Variants in MPZL1 observed in about 807,000 individuals in gnomAD.
MPZL1 encodes myelin protein zero like 1, also known as myelin protein zero-like protein 1.
MPZL1 carries 16 observed loss-of-function variants against 29.3 expected under a neutral mutation model. The observed-to-expected ratio is 0.55, with a 90% CI of 0.37 to 0.83. The LOEUF is 0.83. MPZL1 is among the 40% of genes least tolerant of loss of function. MPZL1 has a pLI of 0.00. For synonymous variants in MPZL1, 143 were observed against 132.0 expected (o/e 1.08, Z -0.57); for missense variants, 279 against 332.9 (o/e 0.84, Z 1.26).
At chr1:167,767,417 G>T (rs1318266277) in intron 2 of MPZL1, among the ~76,000 whole-genome samples, 1 of 152,184 alleles carries the variant, frequency 6.6e-6, no homozygotes, top group Non-Finnish European at 1.5e-5. Context: ...TTAAAGAGCG[G>T]TTCCATTTAT....
At chr1:167,767,910 C>T (rs185861818) in intron 2 of MPZL1, among the ~76,000 whole-genome samples, 2 of 149,314 alleles carry the variant, frequency 1.3e-5, no homozygotes, top group Non-Finnish European at 3.0e-5. Context: ...TCTGTCCTTT[C>T]CTTCCCTGTC....
chr1:167,764,684 G>T (rs1271189382), intron 1 of MPZL1, among the ~76,000 whole-genome samples: 1 of 152,090 alleles, frequency 6.6e-6, no homozygotes, highest in Non-Finnish European at 1.5e-5. Flanking sequence ...ACTACTTAAA[G>T]AAATAAAAAT....
Position 167,756,116 on chromosome 1 carries a change from C to T in MPZL1, c.92-9467C>T, listed in dbSNP as rs991890090. On this transcript the variant is annotated intron_variant, in intron 1 of 5. Transcript: ENST00000359523. Reference sequence around the variant, plus strand: ...GATCATGAGCGGAAGGAATTGACTCCGAGAGGGATTTGGTAATCTTGTGTG... The same window carrying T: ...GATCATGAGCGGAAGGAATTGACTCTGAGAGGGATTTGGTAATCTTGTGTG... 7.2e-5 allele frequency among the ~76,000 whole-genome samples: 11 copies of T among 151,792 alleles called. 1 individual carries two copies. Among genetic ancestry groups the T allele is most frequent in the East Asian group, 1.9e-4 (1 of 5,198 alleles).
At chr1:167,779,959 G>C (rs1412036956) in intron 5 of MPZL1, among the ~76,000 whole-genome samples, 1 of 150,534 alleles carries the variant, frequency 6.6e-6, no homozygotes, top group Non-Finnish European at 1.5e-5. Flanking sequence ...TAGAACCAGA[G>C]ATAGAGGGAC....
In MPZL1 at chr1:167,787,948, A is replaced by G; in HGVS notation, c.*27A>G. On this transcript the variant is annotated 3_prime_UTR_variant, in exon 6 of 6. Transcript: ENST00000359523. ...AGAATACCTAGAACATATCCTCAGC[A>G]AGAAACAAAACCAAACTGGACTCTC... 1 of 1,578,556 alleles carries G rather than the reference A, an allele frequency of 6.3e-7. No individual in the cohort carries two copies. The highest frequency in any genetic ancestry group is 8.7e-7 in the Non-Finnish European group (1 of 1,147,844).
intron 2 of MPZL1, among the ~76,000 whole-genome samples, chr1:167,769,441 T>C (rs1002199641): frequency 8.5e-5 from 13 of 152,208 alleles, no homozygotes; most frequent in Non-Finnish European, 8.8e-5. Context: ...TCCTCGGCTG[T>C]GATGCAACGC....
intron 1 of MPZL1, among the ~76,000 whole-genome samples, chr1:167,743,305 G>A (rs992076378): frequency 6.6e-6 from 1 of 151,848 alleles, no homozygotes; most frequent in Non-Finnish European, 1.5e-5. Flanking sequence ...CTGCCTCCTG[G>A]GTTCAAGCAA....
Position 167,772,303 on chromosome 1 carries a change from A to C in MPZL1, c.287A>C (p.Tyr96Ser). 1 of 1,613,770 alleles carries C rather than the reference A, an allele frequency of 6.2e-7. No homozygotes were observed. Among genetic ancestry groups the C allele is most frequent in the Non-Finnish European group, 8.5e-7 (1 of 1,179,700 alleles). Residue 96 changes from tyrosine to serine, a missense_variant, in exon 3 of 6, where the codon TAC becomes TCC. Transcript: ENST00000359523. Reference protein sequence around the residue: ...SFFHYSQGQVYLGNYPPFKDR... With the variant: ...SFFHYSQGQVSLGNYPPFKDR... ...TTCCACTACTCCCAAGGGCAAGTGT[A>C]CCTTGGGAATTATCCACCATTTAAA... is the stretch of plus-strand genomic sequence containing the variant.
chr1:167,781,063 C>T (rs1222185137), intron 5 of MPZL1, among the ~76,000 whole-genome samples: 3 of 151,862 alleles, frequency 2.0e-5, no homozygotes, highest in Non-Finnish European at 4.4e-5. Context: ...AAGACATAAT[C>T]CTAAATATTT....
At chr1:167,765,384 T>C in intron 1 of MPZL1, 199 bp from the exon 2 acceptor site, 1 of 350,182 alleles carries the variant, frequency 2.9e-6, no homozygotes, top group Non-Finnish European at 5.2e-6. Context: ...AATACAAACC[T>C]AAACTGTCAG....
intron 1 of MPZL1, among the ~76,000 whole-genome samples, chr1:167,748,537 T>C (rs1269062493): frequency 3.3e-5 from 5 of 152,224 alleles, no homozygotes; most frequent in Non-Finnish European, 7.3e-5. Context: ...ACAAGTCTCA[T>C]ATATGATTTG....
chr1:167,770,584 C>A (rs4472738), intron 2 of MPZL1, among the ~76,000 whole-genome samples: 55,848 of 152,000 alleles, frequency 0.37, 10,922 homozygotes, highest in East Asian at 0.54. Context: ...AGGAAGAGGG[C>A]GAAACTCAGA....
chr1:167,740,105 C>G (rs1660486409), intron 1 of MPZL1, among the ~76,000 whole-genome samples: 1 of 152,198 alleles, frequency 6.6e-6, no homozygotes, highest in Non-Finnish European at 1.5e-5. Context: ...TGGGAAAACC[C>G]TACCATCTCT....
At position 167,722,155 on chromosome 1, in the gene MPZL1, G is replaced by A; in HGVS notation, c.4G>A (p.Ala2Thr). The change falls in exon 1 of 6, where the codon GCA becomes ACA. Residue 2 changes from alanine to threonine, a missense_variant. Coordinates refer to ENST00000359523, the MANE Select transcript of MPZL1 (RefSeq NM_003953.6). ...CGGCGACTGCAGTGGCTGGACGATGGCAGCGTCCGCCGGAGCCGGGGCGGT... is the reference window on the plus strand; with the variant it reads ...CGGCGACTGCAGTGGCTGGACGATGACAGCGTCCGCCGGAGCCGGGGCGGT... M[A>T]ASAGAGAVIA... The A allele has an allele frequency of 8.1e-7, 1 of 1,235,860 alleles. No individual in the cohort carries two copies. The highest frequency in any genetic ancestry group is 1.0e-6 in the Non-Finnish European group (1 of 988,620). 76.6% of individuals were successfully genotyped at this position (1,235,860 alleles called of 1,614,324 possible).
chr1:167,724,015 A>T (rs1025869753), intron 1 of MPZL1, among the ~76,000 whole-genome samples: 2 of 152,128 alleles, frequency 1.3e-5, no homozygotes, highest in African/African-American at 4.8e-5. Flanking sequence ...TCTGGAACTG[A>T]AACTCCTGGG....
At chr1:167,743,626 GT>G (rs1420004554) in intron 1 of MPZL1, among the ~76,000 whole-genome samples, 1 of 150,782 alleles carries the variant, frequency 6.6e-6, no homozygotes, top group Non-Finnish European at 1.5e-5. Flanking sequence ...CACCTCCTTG[GT>G]TAGGTATATT....
chr1:167,755,049 G>C (rs185305358), intron 1 of MPZL1, among the ~76,000 whole-genome samples: 1 of 152,132 alleles, frequency 6.6e-6, no homozygotes, highest in East Asian at 1.9e-4. Context: ...TTATATTTAC[G>C]TTAGGGTTCC....
At chr1:167,767,637 G>T (rs975091223) in intron 2 of MPZL1, among the ~76,000 whole-genome samples, 5 of 152,068 alleles carry the variant, frequency 3.3e-5, no homozygotes, top group Non-Finnish European at 7.4e-5. Context: ...AGATGAGTGG[G>T]TTGCTTTTTT....
At chr1:167,751,889 G>A (rs1039041163) in intron 1 of MPZL1, among the ~76,000 whole-genome samples, 15 of 152,020 alleles carry the variant, frequency 9.9e-5, no homozygotes, top group Admixed American at 9.2e-4. Flanking sequence ...AATCCTTTGG[G>A]GAAAAAATTA....
Sources: gnomAD v4.1 joint callset for allele counts (sites outside exome capture counted in the v4.1 genomes callset) on GRCh38, gnomAD v4.1.1 for gene constraint, MANE v1.5 for transcripts, NCBI Gene and HGNC (gene_info 2026-07-23, HGNC 2026-07-21) for gene names.